The following ERN1 variants were observed in gnomAD, a reference collection of about 807,000 sequenced individuals.
ERN1 encodes endoplasmic reticulum to nucleus signaling 1, also known as serine/threonine-protein kinase/endoribonuclease IRE1.
ERN1 carries 39 observed loss-of-function variants against 113.1 expected under a neutral mutation model. That is an observed-to-expected ratio of 0.34 (90% CI 0.27 to 0.45). ERN1 has a LOEUF of 0.45. ERN1 is among the 20% of genes least tolerant of loss of function. The pLI is 1.00. For missense variants in ERN1, 976 were observed against 1,274.8 expected (o/e 0.77, Z 3.57); for synonymous variants, 507 against 515.9 (o/e 0.98, Z 0.23).
chr17:64,078,591 G>C (rs756540571), intron 4 of ERN1, among the ~76,000 whole-genome samples: 1 of 151,832 alleles, frequency 6.6e-6, no homozygotes, highest in Non-Finnish European at 1.5e-5. Context: ...TTATTATTTT[G>C]CATTTCACAT....
At chr17:64,116,612 A>G (rs1205443501) in intron 1 of ERN1, among the ~76,000 whole-genome samples, 1 of 151,810 alleles carries the variant, frequency 6.6e-6, no homozygotes, top group Non-Finnish European at 1.5e-5. Context: ...ATACTCCTAC[A>G]ATGGAAAAAA....
At chr17:64,106,185 T>A (rs1170727377) in intron 1 of ERN1, among the ~76,000 whole-genome samples, 1 of 152,188 alleles carries the variant, frequency 6.6e-6, no homozygotes, top group Non-Finnish European at 1.5e-5. Context: ...GCGTTAAGGG[T>A]TCCTTTTAGT....
chr17:64,109,079 G>A (rs569877086), intron 1 of ERN1, among the ~76,000 whole-genome samples: 37 of 151,806 alleles, frequency 2.4e-4, no homozygotes, highest in African/African-American at 6.8e-4. Context: ...AGCTGAGATC[G>A]CACCATTGCA....
At chr17:64,112,093 A>G (rs1462670527) in intron 1 of ERN1, among the ~76,000 whole-genome samples, 1 of 152,112 alleles carries the variant, frequency 6.6e-6, no homozygotes, top group Non-Finnish European at 1.5e-5. Context: ...AGTGGCCGGG[A>G]GCAGTGGCTC....
intron 2 of ERN1, among the ~76,000 whole-genome samples, chr17:64,082,075 G>C: frequency 6.6e-6 from 1 of 152,218 alleles, no homozygotes; most frequent in East Asian, 1.9e-4. Flanking sequence ...TATGGTGACA[G>C]ACGGCTGTCC....
At chr17:64,122,168 G>A (rs534762466) in intron 1 of ERN1, among the ~76,000 whole-genome samples, 2 of 152,266 alleles carry the variant, frequency 1.3e-5, no homozygotes, top group South Asian at 4.1e-4. Flanking sequence ...TCAAGTTTAA[G>A]GTTTGGTTCT....
At chr17:64,104,847 TA>T (rs1351969401) in intron 1 of ERN1, among the ~76,000 whole-genome samples, 2 of 152,028 alleles carry the variant, frequency 1.3e-5, no homozygotes, top group Non-Finnish European at 2.9e-5. Context: ...ATAAGATCAT[TA>T]AAATGGCACA....
intron 1 of ERN1, among the ~76,000 whole-genome samples, chr17:64,111,738 C>A (rs1015711536): frequency 6.6e-6 from 1 of 152,194 alleles, no homozygotes; most frequent in Admixed American, 6.5e-5. Flanking sequence ...GGTGGCTAAG[C>A]TTCCACATTT....
At position 64,066,951 on chromosome 17, in the gene ERN1, C is replaced by A; in HGVS notation, c.581-19G>T. On this transcript the variant is annotated intron_variant, in intron 7 of 21. Transcript: ENST00000433197. ...GACATCTCTGTACAGATCAAATAAACAAAGCATGCTGAGTCTCACCCCATC... is the reference window on the plus strand; with the variant it reads ...GACATCTCTGTACAGATCAAATAAAAAAAGCATGCTGAGTCTCACCCCATC... 1 of 1,604,494 alleles carries A rather than the reference C, an allele frequency of 6.2e-7. No individual in the cohort carries two copies.
chr17:64,096,037 A>G (rs1184800352), intron 2 of ERN1, among the ~76,000 whole-genome samples: 1 of 152,126 alleles, frequency 6.6e-6, no homozygotes, highest in African/African-American at 2.4e-5. Flanking sequence ...GGTTTAGATC[A>G]TGGGCTTCTT....
rs1913128317 is a variant in ERN1 at position 64,063,804 on chromosome 17, C to T, written c.1087+182G>A. Reference sequence around the variant, plus strand: ...CAGTTTTCAAAAACTGACTCAGAAACACAGCTACCTTGTTGATTTTCCTTG... The same window carrying T: ...CAGTTTTCAAAAACTGACTCAGAAATACAGCTACCTTGTTGATTTTCCTTG... On this transcript the variant is annotated intron_variant, in intron 10 of 21. Transcript: ENST00000433197. The surrounding 1 kb of genome is among the most constrained non-coding windows in gnomAD (Gnocchi z 5.1). Among the ~76,000 whole-genome samples, 1 of 152,164 alleles carries T rather than the reference C, an allele frequency of 6.6e-6. No individual in the cohort carries two copies. Among genetic ancestry groups the T allele is most frequent in the African/African-American group, 2.4e-5 (1 of 41,444 alleles).
chr17:64,128,276 G>T (rs566156196), intron 1 of ERN1, among the ~76,000 whole-genome samples: 1 of 151,284 alleles, frequency 6.6e-6, no homozygotes, highest in Admixed American at 6.6e-5. Flanking sequence ...CTCCCAAAGT[G>T]CTGGGATTAC....
At chr17:64,059,827 G>C (rs1017466628) in intron 11 of ERN1, among the ~76,000 whole-genome samples, 3 of 147,900 alleles carry the variant, frequency 2.0e-5, no homozygotes, top group Admixed American at 6.8e-5. Context: ...TAAAACTTCA[G>C]ATCTCATCAC....
intron 19 of ERN1, among the ~76,000 whole-genome samples, chr17:64,046,975 T>C (rs1387155070): frequency 1.3e-5 from 2 of 152,266 alleles, no homozygotes; most frequent in African/African-American, 4.8e-5. Context: ...AGTTCTAACT[T>C]TGCAGAACCT....
At position 64,053,265 on chromosome 17, in the gene ERN1, C is replaced by T; in HGVS notation, c.2053+7G>A. 4 of 1,599,532 alleles carry T rather than the reference C, an allele frequency of 2.5e-6. No homozygotes were observed. The highest frequency in any genetic ancestry group is 3.4e-6 in the Non-Finnish European group (4 of 1,174,030). On this transcript the variant is annotated splice_region_variant and intron_variant, in intron 16 of 21. Transcript: ENST00000433197. ...GGCCGCTGGCCTGGTAAAGTGCAGC[C>T]TCTCACCGATGTTGAGGGAGTGGAG...
At chr17:64,084,239 A>C (rs1234602880) in intron 2 of ERN1, among the ~76,000 whole-genome samples, 1 of 152,186 alleles carries the variant, frequency 6.6e-6, no homozygotes, top group African/African-American at 2.4e-5. Flanking sequence ...TTCTCCTAGA[A>C]GAAAGCCATG....
At position 64,075,251 on chromosome 17, in the gene ERN1, T is replaced by TA. The variant is rs5821420; in HGVS notation, c.283-5dup. On this transcript the variant is annotated splice_polypyrimidine_tract_variant and splice_region_variant and intron_variant, in intron 4 of 21. Transcript: ENST00000433197. ...CTGGGATGGTAAAAGGAAGTTTCTT[T>TA]AAAAAAAAAAAAAAAGAAAAAAAAA... 196,774 of 1,212,756 alleles carry TA rather than the reference T, an allele frequency of 0.16. 840 individuals are homozygous for TA. Among genetic ancestry groups the TA allele is most frequent in the South Asian group, 0.19 (11,855 of 61,914 alleles). 75.1% of individuals were successfully genotyped at this position (1,212,756 alleles called of 1,614,324 possible). A position where few individuals can be genotyped will look rare whatever the true frequency, so the allele number is the denominator to read the frequency against.
intron 4 of ERN1, among the ~76,000 whole-genome samples, chr17:64,075,640 C>T (rs150986608): frequency 6.6e-6 from 1 of 152,346 alleles, no homozygotes; most frequent in African/African-American, 2.4e-5. Flanking sequence ...GGTCCCTGAG[C>T]TCTGTAAACA....
At chr17:64,048,486 A>C (rs1176695226) in intron 18 of ERN1, among the ~76,000 whole-genome samples, 2 of 152,224 alleles carry the variant, frequency 1.3e-5, no homozygotes, top group African/African-American at 4.8e-5. Flanking sequence ...TTTCTATAAT[A>C]AGAAAAATTA....
Sources: allele counts gnomAD v4.1 joint callset (sites outside exome capture counted in the v4.1 genomes callset), GRCh38; gene constraint gnomAD v4.1.1; non-coding constraint Gnocchi (gnomAD v3.1); transcripts MANE v1.5; gene names NCBI Gene and HGNC (gene_info 2026-07-23, HGNC 2026-07-21).